Variants in RANBP2 observed in about 807,000 individuals in gnomAD.
RANBP2 encodes E3 SUMO-protein ligase RanBP2.
In RANBP2, 57 loss-of-function variants were observed where a neutral mutation model predicts 303.6. The observed-to-expected ratio is 0.19, with a 90% CI of 0.15 to 0.23. The LOEUF is 0.23. RANBP2 is among the 10% of genes least tolerant of loss of function. The pLI, the probability that RANBP2 is intolerant of heterozygous loss-of-function variation, is 1.00. For synonymous variants in RANBP2, 1,167 were observed against 1,301.5 expected (o/e 0.90, Z 2.23); for missense variants, 3,138 against 3,780.8 (o/e 0.83, Z 4.46).
rs1677519416 is a variant in RANBP2, at chr2:108,771,821, T to G, written c.7970T>G (p.Phe2657Cys). Reference protein sequence around the residue: ...LATKLKLPPTFFCYKNRPDYV... With the variant: ...LATKLKLPPTCFCYKNRPDYV... ...ACCAAACTTAAACTTCCTCCAACTT[T>G]CTTCTGCTACAAGAATAGACCAGAT... is the stretch of plus-strand genomic sequence containing the variant. The change falls in exon 21 of 29, where the codon TTC becomes TGC. Residue 2657 changes from phenylalanine (F) to cysteine (C), a missense_variant. Phe to Cys is a radical substitution (Grantham distance 205). This residue lies in a region of RANBP2 where 497 missense variants were observed against 465.8 expected (regional missense o/e 1.07). Coordinates refer to ENST00000283195, the MANE Select transcript of RANBP2 (RefSeq NM_006267.5). 1 of 1,613,938 alleles carries G rather than the reference T, an allele frequency of 6.2e-7. No individual in the cohort carries two copies. Among genetic ancestry groups the G allele is most frequent in the Admixed American group, 1.7e-5 (1 of 59,992 alleles).
At chr2:109,366,522 G>A in the RANBP2 span, among the ~76,000 whole-genome samples, 1 of 152,210 alleles carries the variant, frequency 6.6e-6, no homozygotes, top group Non-Finnish European at 1.5e-5. Flanking sequence ...ACATACTTGA[G>A]GAGAATATCT....
the RANBP2 span, among the ~76,000 whole-genome samples, chr2:109,227,541 C>T: frequency 6.6e-6 from 1 of 152,208 alleles, no homozygotes; most frequent in Admixed American, 6.5e-5. Context: ...TCTGCCTGGG[C>T]CCTGCCCTTC....
At chr2:109,639,261 G>C in the RANBP2 span, among the ~76,000 whole-genome samples, 1 of 152,186 alleles carries the variant, frequency 6.6e-6, no homozygotes, top group African/African-American at 2.4e-5. Flanking sequence ...TTGTGGAAAA[G>C]AGAATTCCTC....
chr2:109,473,530 AG>A, the RANBP2 span, among the ~76,000 whole-genome samples: 1 of 152,222 alleles, frequency 6.6e-6, no homozygotes, highest in African/African-American at 2.4e-5. Context: ...CCAGGGTTAG[AG>A]CGACAGAGAG....
chr2:109,506,030 G>A, the RANBP2 span, among the ~76,000 whole-genome samples: 5 of 152,338 alleles, frequency 3.3e-5, no homozygotes, highest in African/African-American at 1.2e-4. Flanking sequence ...TTCACTGCCT[G>A]TTTTCCAGAT....
At chr2:109,365,776 C>T in the RANBP2 span, among the ~76,000 whole-genome samples, 2 of 152,184 alleles carry the variant, frequency 1.3e-5, no homozygotes, top group East Asian at 1.9e-4. Flanking sequence ...TTGCATGTAT[C>T]TGTGGTCCCG....
chr2:109,162,458 C>T, the RANBP2 span, among the ~76,000 whole-genome samples: 1 of 152,124 alleles, frequency 6.6e-6, no homozygotes, highest in African/African-American at 2.4e-5. Context: ...TACATGTGCA[C>T]AACGTGCAGG....
the RANBP2 span, among the ~76,000 whole-genome samples, chr2:109,113,662 C>A: frequency 4.6e-5 from 7 of 152,304 alleles, no homozygotes; most frequent in South Asian, 2.1e-4. Context: ...CCAGAACTTC[C>A]AACACTATGT....
At chr2:109,196,482 TC>T in the RANBP2 span, among the ~76,000 whole-genome samples, 61 of 152,326 alleles carry the variant, frequency 4.0e-4, 1 homozygote, top group Admixed American at 2.6e-3. Flanking sequence ...CACAGGTGAC[TC>T]CCTTCCAGTC....
chr2:109,254,134 T>C, the RANBP2 span, among the ~76,000 whole-genome samples: 1 of 152,160 alleles, frequency 6.6e-6, no homozygotes, highest in Non-Finnish European at 1.5e-5. Context: ...CACCAACCCC[T>C]CTAGCAAGGA....
the RANBP2 span, among the ~76,000 whole-genome samples, chr2:109,017,151 C>T: frequency 6.6e-6 from 1 of 152,250 alleles, no homozygotes; most frequent in African/African-American, 2.4e-5. Context: ...GGCTCTCTCC[C>T]TTCAGTCACA....
chr2:109,109,225 A>T, the RANBP2 span, among the ~76,000 whole-genome samples: 1 of 152,248 alleles, frequency 6.6e-6, no homozygotes, highest in Non-Finnish European at 1.5e-5. Context: ...AGCGCTCTTG[A>T]AAAGCAGGGC....
chr2:108,880,425 T>G, the RANBP2 span, among the ~76,000 whole-genome samples: 1 of 152,218 alleles, frequency 6.6e-6, no homozygotes, highest in Non-Finnish European at 1.5e-5. Context: ...CTTTCTCCCA[T>G]GAATTATGAA....
the RANBP2 span, chr2:109,502,656 A>T: frequency 6.6e-6 from 1 of 152,096 alleles, no homozygotes; most frequent in Non-Finnish European, 1.5e-5. Flanking sequence ...CTCTGTCTAG[A>T]CGGTGATGAT....
chr2:109,382,111 G>C, the RANBP2 span, among the ~76,000 whole-genome samples: 7 of 152,200 alleles, frequency 4.6e-5, no homozygotes, highest in East Asian at 1.4e-3. Context: ...TCCCATCAGA[G>C]TTGCAGTGGT....
the RANBP2 span, among the ~76,000 whole-genome samples, chr2:109,611,331 A>C: frequency 1.3e-5 from 2 of 152,220 alleles, no homozygotes; most frequent in South Asian, 2.1e-4. Context: ...AATAATGATA[A>C]ATTTCAACAA....
At chr2:109,577,221 A>T in the RANBP2 span, among the ~76,000 whole-genome samples, 1 of 152,238 alleles carries the variant, frequency 6.6e-6, no homozygotes. Context: ...AATTTCAAGT[A>T]TGTGAGCGAC....
chr2:109,717,290 A>AC, the RANBP2 span, among the ~76,000 whole-genome samples: 5 of 151,264 alleles, frequency 3.3e-5, no homozygotes, highest in Non-Finnish European at 7.4e-5. Context: ...AAAAAAAAAA[A>AC]ACCCAGTTCC....
the RANBP2 span, among the ~76,000 whole-genome samples, chr2:109,393,401 A>C: frequency 6.6e-6 from 1 of 152,218 alleles, no homozygotes; most frequent in African/African-American, 2.4e-5. Flanking sequence ...AGAAATGCAG[A>C]AACTTGGCAA....
Sources: gnomAD v4.1 joint callset for allele counts (sites outside exome capture counted in the v4.1 genomes callset) on GRCh38, gnomAD v4.1.1 for gene constraint, gnomAD v4.1.1 regional missense constraint, MANE v1.5 for transcripts, NCBI Gene and HGNC (gene_info 2026-07-23, HGNC 2026-07-21) for gene names.